PLSCR2: variants seen among roughly 807,000 people sequenced by gnomAD.
The protein encoded by PLSCR2 is phospholipid scramblase 2.
A neutral mutation model predicts 25.3 loss-of-function variants in PLSCR2; 18 were observed. The ratio of observed to expected loss-of-function variants is 0.71; its 90% confidence interval spans 0.49 to 1.06. The LOEUF (loss-of-function observed/expected upper bound fraction) is 1.06, where lower values mean the gene tolerates loss of function less well. PLSCR2 is among the 50% of genes least tolerant of loss of function. The probability of loss-of-function intolerance (pLI) is 0.00; values close to 1 mark genes in which losing one functional copy is unlikely to be tolerated. For synonymous variants in PLSCR2, 88 were observed against 87.3 expected, an observed-to-expected ratio of 1.01 and a Z score of -0.04; for missense variants, 243 against 269.5, an observed-to-expected ratio of 0.90 and a Z score of 0.69.
chr3:146,441,562 A>T (rs1209373973), downstream of PLSCR2, among the ~76,000 whole-genome samples: 1 of 152,000 alleles, frequency 6.6e-6, no homozygotes, highest in Non-Finnish European at 1.5e-5. Flanking sequence ...TAAAGTATAT[A>T]AAACATTTAT....
intron 1 of PLSCR2, among the ~76,000 whole-genome samples, chr3:146,483,307 A>G (rs1444857000): frequency 6.7e-6 from 1 of 148,550 alleles, no homozygotes; most frequent in African/African-American, 2.5e-5. Context: ...GGGGAGGGAT[A>G]GCATTAGGAG....
intron 3 of PLSCR2, among the ~76,000 whole-genome samples, chr3:146,455,766 A>G (rs1206557656): frequency 1.3e-5 from 2 of 152,212 alleles, no homozygotes; most frequent in African/African-American, 4.8e-5. Flanking sequence ...GCTGCCAGTA[A>G]GCACAGTGGT....
intron 1 of PLSCR2, among the ~76,000 whole-genome samples, chr3:146,472,403 A>G (rs544511732): frequency 1.5e-3 from 222 of 152,326 alleles, no homozygotes; most frequent in Middle Eastern, 6.8e-3. Flanking sequence ...CATTAGGGCA[A>G]CTAAAAGAAA....
At chr3:146,466,122 CAT>C (rs1205227910) in intron 1 of PLSCR2, among the ~76,000 whole-genome samples, 1 of 152,184 alleles carries the variant, frequency 6.6e-6, no homozygotes, top group African/African-American at 2.4e-5. Flanking sequence ...AAACAAAACA[CAT>C]ATGCTTAGAA....
chr3:146,406,648 G>C (rs972487193), intron 2 of PLSCR2, among the ~76,000 whole-genome samples: 1 of 152,200 alleles, frequency 6.6e-6, no homozygotes, highest in Non-Finnish European at 1.5e-5. Context: ...AAAGGGGCTT[G>C]ACCTAGGCCT....
At chr3:146,399,571 G>A (rs996631059) in intron 2 of PLSCR2, among the ~76,000 whole-genome samples, 2 of 151,734 alleles carry the variant, frequency 1.3e-5, no homozygotes, top group Non-Finnish European at 3.0e-5. Flanking sequence ...AAAAAGGAAT[G>A]TAGGAGGCTT....
At chr3:146,475,614 T>G (rs529481634) in intron 1 of PLSCR2, among the ~76,000 whole-genome samples, 134 of 152,378 alleles carry the variant, frequency 8.8e-4, no homozygotes, top group Admixed American at 1.8e-3. Flanking sequence ...TAATCTATTT[T>G]CTTCATTATG....
At chr3:146,404,850 G>A (rs1020934736) in intron 2 of PLSCR2, among the ~76,000 whole-genome samples, 2 of 148,556 alleles carry the variant, frequency 1.3e-5, no homozygotes, top group Non-Finnish European at 3.0e-5. Flanking sequence ...ACTGGTCCCA[G>A]GTAAGTCCAA....
At chr3:146,462,161 A>G (rs1028436030), upstream of PLSCR2, among the ~76,000 whole-genome samples, 1 of 152,058 alleles carries the variant, frequency 6.6e-6, no homozygotes, top group Non-Finnish European at 1.5e-5. Flanking sequence ...AGTCACATTC[A>G]TGGGATATTT....
chr3:146,485,390 T>C (rs1218461014), intron 1 of PLSCR2, among the ~76,000 whole-genome samples: 1 of 151,818 alleles, frequency 6.6e-6, no homozygotes, highest in African/African-American at 2.4e-5. Flanking sequence ...AGACAGATCA[T>C]CAAAACATAA....
chr3:146,475,033 T>C (rs1261789573), intron 1 of PLSCR2, among the ~76,000 whole-genome samples: 1 of 151,974 alleles, frequency 6.6e-6, no homozygotes, highest in African/African-American at 2.4e-5. Context: ...TAGTTAGCAA[T>C]TCCTCTAATC....
At chr3:146,440,733 C>T (rs77893325), downstream of PLSCR2, among the ~76,000 whole-genome samples, 4,149 of 152,242 alleles carry the variant, frequency 0.027, 84 homozygotes, top group Non-Finnish European at 0.043. Context: ...AGGAGGTAAA[C>T]GTGTAGGATC....
chr3:146,494,137 CT>C (rs964376545), intron 1 of PLSCR2, among the ~76,000 whole-genome samples: 2 of 151,996 alleles, frequency 1.3e-5, no homozygotes, highest in Admixed American at 1.3e-4. Context: ...GTTCGGAGTT[CT>C]AAAATTTTGG....
intron 1 of PLSCR2, among the ~76,000 whole-genome samples, chr3:146,484,204 T>C (rs1013662986): frequency 2.0e-5 from 3 of 149,746 alleles, no homozygotes; most frequent in African/African-American, 7.4e-5. Flanking sequence ...TTGAAGACTA[T>C]CTTGCTGAAA....
chr3:146,468,920 T>C (rs577549996), intron 1 of PLSCR2, among the ~76,000 whole-genome samples: 1 of 152,254 alleles, frequency 6.6e-6, no homozygotes, highest in Non-Finnish European at 1.5e-5. Context: ...AAAGAACATA[T>C]ATGAAGAAAG....
At chr3:146,397,121 C>G (rs186419364) in intron 2 of PLSCR2, among the ~76,000 whole-genome samples, 1 of 152,200 alleles carries the variant, frequency 6.6e-6, no homozygotes, top group East Asian at 1.9e-4. Flanking sequence ...CATACTTTCT[C>G]TCATTTGGCT....
chr3:146,462,047 G>A (rs1392680808), upstream of PLSCR2: 1 of 590,424 alleles, frequency 1.7e-6, no homozygotes, highest in Non-Finnish European at 2.8e-6. Context: ...TACTTTTATT[G>A]TTCATGGATT....
exon 5 of PLSCR2, chr3:146,454,024 C>T (rs1263198382): frequency 1.3e-6 from 2 of 1,589,968 alleles, no homozygotes; most frequent in South Asian, 2.3e-5. Context: ...ACCCGCAATA[C>T]AGCTGCACAC....
chr3:146,489,126 T>C (rs2043453389), intron 1 of PLSCR2, among the ~76,000 whole-genome samples: 1 of 151,736 alleles, frequency 6.6e-6, no homozygotes, highest in Admixed American at 6.6e-5. Context: ...TGAGAGCACA[T>C]AGACACAGGG....
Sources: gnomAD v4.1 joint callset for allele counts (sites outside exome capture counted in the v4.1 genomes callset) on GRCh38, gnomAD v4.1.1 for gene constraint, MANE v1.5 for transcripts, NCBI Gene and HGNC (gene_info 2026-07-23, HGNC 2026-07-21) for gene names.